The following RBM47 variants were observed in gnomAD, a reference collection of about 807,000 sequenced individuals.
The protein encoded by RBM47 is RNA-binding protein 47.
A neutral mutation model predicts 47.1 loss-of-function variants in RBM47; 21 were observed. That is an observed-to-expected ratio of 0.45 (90% CI 0.32 to 0.64). The LOEUF (loss-of-function observed/expected upper bound fraction) is 0.64. Ranked by LOEUF, RBM47 falls within the 30% of genes least tolerant of loss-of-function variation. RBM47 has a pLI of 0.05. For synonymous variants in RBM47, 375 were observed against 361.7 expected (o/e 1.04, Z -0.42); for missense variants, 708 against 870.9 (o/e 0.81, Z 2.35).
chr4:40,549,390 C>A (rs1729334153), intron 1 of RBM47, among the ~76,000 whole-genome samples: 1 of 152,076 alleles, frequency 6.6e-6, no homozygotes, highest in Non-Finnish European at 1.5e-5. Flanking sequence ...CCACGCCCAG[C>A]CAGTACCTCA....
rs776033149 is a variant in RBM47 at position 40,436,612 on chromosome 4, C to T, written c.1159G>A (p.Gly387Ser). 3.1e-6 allele frequency: 5 copies of T among 1,614,190 alleles called. No individual in the cohort carries two copies. Among genetic ancestry groups the T allele is most frequent in the East Asian group, 2.2e-5 (1 of 44,886 alleles). The change falls in exon 5 of 7, where the codon GGC (glycine) becomes AGC (serine). Residue 387 changes from glycine (G) to serine (S), a missense_variant. Transcript: ENST00000295971. ...SIRGRGRGAAGNRAPGPRGSY... is the reference protein window; with the variant it reads ...SIRGRGRGAASNRAPGPRGSY... ...CCCCTAGGCCCTGGGGCTCTGTTGC[C>T]AGCTGCACCTCGCCCTCGGCCTCTT...
intron 3 of RBM47, among the ~76,000 whole-genome samples, chr4:40,441,812 C>G (rs1227562593): frequency 2.6e-5 from 4 of 152,226 alleles, no homozygotes; most frequent in African/African-American, 9.6e-5. Context: ...AGTCTGAAAT[C>G]TGCTGGTGTC....
intron 3 of RBM47, among the ~76,000 whole-genome samples, chr4:40,448,571 C>G (rs1218414755): frequency 1.3e-5 from 2 of 152,166 alleles, no homozygotes; most frequent in African/African-American, 4.8e-5. Flanking sequence ...ACCTAACACA[C>G]ACAATGCACA....
intron 2 of RBM47, among the ~76,000 whole-genome samples, chr4:40,483,711 C>G (rs1278511937): frequency 6.6e-6 from 1 of 152,032 alleles, no homozygotes; most frequent in African/African-American, 2.4e-5. Flanking sequence ...AACAAAAATA[C>G]AATACAATAC....
In RBM47 at chr4:40,456,211, A is replaced by G. The variant is rs906035111; in HGVS notation, c.-32+10366T>C. Among the ~76,000 whole-genome samples the G allele has an allele frequency of 3.9e-5, 6 of 152,320 alleles. No homozygotes were observed. The East Asian group carries it at 9.6e-4, about 24-fold the overall frequency. On this transcript the variant is annotated intron_variant, in intron 3 of 6. Transcript: ENST00000295971. ...AGGCCCTAAATATTGCCTGTTAACT[A>G]ATTATGGTGTCATATACCATGTTAA...
chr4:40,580,513 C>T (rs1578004044), intron 1 of RBM47, among the ~76,000 whole-genome samples: 2 of 152,256 alleles, frequency 1.3e-5, no homozygotes, highest in South Asian at 2.1e-4. Flanking sequence ...AGAGAAAGCC[C>T]GATGACCACA....
At chr4:40,584,434 C>T (rs1733335412) in intron 1 of RBM47, among the ~76,000 whole-genome samples, 1 of 152,092 alleles carries the variant, frequency 6.6e-6, no homozygotes, top group Non-Finnish European at 1.5e-5. Flanking sequence ...TTCTAGAAGC[C>T]ACATTTTAAA....
At position 40,522,367 on chromosome 4, in the gene RBM47, T is replaced by A. The variant is rs187661229; in HGVS notation, c.-155+22055A>T. On this transcript the variant is annotated intron_variant, in intron 2 of 6. Coordinates refer to ENST00000295971, the MANE Select transcript of RBM47 (RefSeq NM_001098634.2). The stretch of plus-strand genomic sequence containing the variant: ...TAAAAATACAAAAATTAGCCCGGCG[T>A]GGTGGCAGGCGCCTGTAATCCCAGA... 4.1e-3 allele frequency among the ~76,000 whole-genome samples: 629 copies of A among 152,168 alleles called. 5 individuals carry two copies. Among genetic ancestry groups the A allele is most frequent in the South Asian group, 0.021 (100 of 4,810 alleles).
chr4:40,433,767 T>TA lies in RBM47; in HGVS notation c.1331-906dup, dbSNP rs3839123. On this transcript the variant is annotated intron_variant, in intron 5 of 6. Transcript: ENST00000295971. ...TACCGATTCAAGGAAAAACACATGGTAAAAAAAAATAGCACATTCCCCAGT... is the reference window on the plus strand; with the variant it reads ...TACCGATTCAAGGAAAAACACATGGTAAAAAAAAAATAGCACATTCCCCAGT... 5.2e-3 allele frequency among the ~76,000 whole-genome samples: 789 copies of TA among 151,396 alleles called. 5 individuals carry two copies. The highest frequency in any genetic ancestry group is 0.027 in the Middle Eastern group (8 of 294).
intron 2 of RBM47, among the ~76,000 whole-genome samples, chr4:40,529,931 CTTTT>C (rs1184871315): frequency 8.0e-6 from 1 of 124,486 alleles, no homozygotes. Flanking sequence ...ATTAGACCCC[CTTTT>C]TTTTTTTTTT....
At chr4:40,436,203 C>CA (rs11452587) in intron 5 of RBM47, among the ~76,000 whole-genome samples, 90,106 of 139,810 alleles carry the variant, frequency 0.64, 29,074 homozygotes, top group South Asian at 0.78. Context: ...AACAAACAAA[C>CA]AAAAAAAAAC....
chr4:40,484,160 A>T (rs1249920868), intron 2 of RBM47, among the ~76,000 whole-genome samples: 1 of 152,216 alleles, frequency 6.6e-6, no homozygotes, highest in African/African-American at 2.4e-5. Context: ...ATATTATAGT[A>T]ATCAAATGTA....
chr4:40,432,309 A>G (rs1409462219), intron 6 of RBM47, among the ~76,000 whole-genome samples: 4 of 151,618 alleles, frequency 2.6e-5, no homozygotes, highest in Non-Finnish European at 5.9e-5. Context: ...ATGTGAAATC[A>G]CTCCCTGGAC....
intron 1 of RBM47, among the ~76,000 whole-genome samples, chr4:40,545,666 AAAATAAATAAAT>A (rs150331418): frequency 1.3e-4 from 17 of 133,606 alleles, no homozygotes; most frequent in South Asian, 2.4e-4. Flanking sequence ...CTCCTTCTCA[AAAATAAATAAAT>A]AAATAAATAA....
At position 40,545,219 on chromosome 4, in the gene RBM47, TG is replaced by T. The variant is rs529901316; in HGVS notation, c.-239-714del. ...GGCATGCCCCACCATGCCCAGCTAA[TG>T]TTTTGTATTTTTAGTAGAGACGGGG... is the stretch of plus-strand genomic sequence containing the variant. On this transcript the variant is annotated intron_variant, in intron 1 of 6. Transcript: ENST00000295971. Among the ~76,000 whole-genome samples the T allele has an allele frequency of 6.7e-3, 1,018 of 151,108 alleles. 6 individuals are homozygous for T. Among genetic ancestry groups the T allele is most frequent in the African/African-American group, 0.024 (972 of 41,342 alleles).
At chr4:40,512,443 C>T (rs1183840438) in intron 2 of RBM47, among the ~76,000 whole-genome samples, 3 of 130,032 alleles carry the variant, frequency 2.3e-5, no homozygotes, top group Non-Finnish European at 4.7e-5. Flanking sequence ...AGGCCGGGTG[C>T]GGTGGCTTAC....
Position 40,426,081 on chromosome 4 carries a change from C to A in RBM47, c.1605G>T (p.Gly535=), listed in dbSNP as rs377245664. Residue 535 remains glycine, a synonymous_variant, in exon 7 of 7, where the codon GGG becomes GGT. Coordinates refer to ENST00000295971, the MANE Select transcript of RBM47 (RefSeq NM_001098634.2). ...ATGGCACGTAACTGGCCCCGTAGAT[C>A]CCGGCAGTAGGAATTCTCTGAACGT... ...APNVQRIPTA[G]IYGASYVPFA... The A allele has an allele frequency of 2.6e-5, 42 of 1,614,198 alleles. No individual in the cohort carries two copies. The highest frequency in any genetic ancestry group is 1.7e-4 in the Middle Eastern group (1 of 6,060).
At position 40,448,825 on chromosome 4, in the gene RBM47, G is replaced by A. The variant is rs547698195; in HGVS notation, c.-31-9901C>T. Among the ~76,000 whole-genome samples, 15 of 152,240 alleles carry A rather than the reference G, an allele frequency of 9.9e-5. No individual in the cohort carries two copies. The South Asian group carries it at 3.1e-3, about 32-fold the overall frequency. The stretch of plus-strand genomic sequence containing the variant: ...AAAGCCATAGTTTGTGTTTTAGAGA[G>A]GAGTCTCTCACAAAAGTTCAGAATA... On this transcript the variant is annotated intron_variant, in intron 3 of 6. Coordinates refer to ENST00000295971, the MANE Select transcript of RBM47 (RefSeq NM_001098634.2).
At chr4:40,488,250 G>A (rs926663128) in intron 2 of RBM47, among the ~76,000 whole-genome samples, 1 of 150,310 alleles carries the variant, frequency 6.7e-6, no homozygotes, top group Non-Finnish European at 1.5e-5. Context: ...GGAGGCAGAG[G>A]CTGCAGTGAG....
Sources: allele counts gnomAD v4.1 joint callset (sites outside exome capture counted in the v4.1 genomes callset), GRCh38; gene constraint gnomAD v4.1.1; transcripts MANE v1.5; gene names NCBI Gene and HGNC (gene_info 2026-07-23, HGNC 2026-07-21).